The following COL5A2 variants were observed in gnomAD, a reference collection of about 807,000 sequenced individuals.
COL5A2 encodes collagen type V alpha 2 chain, also known as collagen alpha-2(V) chain.
In COL5A2, 23 loss-of-function variants were observed where a neutral mutation model predicts 208.2. The observed-to-expected ratio is 0.11, with a 90% CI of 0.08 to 0.16. The LOEUF (loss-of-function observed/expected upper bound fraction) is 0.16. COL5A2 is among the 10% of genes least tolerant of loss of function. The pLI is 1.00. For missense variants in COL5A2, 1,590 were observed against 1,956.4 expected, an observed-to-expected ratio of 0.81 and a Z score of 3.53; for synonymous variants, 625 against 628.5, an observed-to-expected ratio of 0.99 and a Z score of 0.08.
chr2:189,044,060 G>A (rs1465466369), intron 47 of COL5A2, among the ~76,000 whole-genome samples: 1 of 152,082 alleles, frequency 6.6e-6, no homozygotes, highest in Non-Finnish European at 1.5e-5. Context: ...TCCAGGGAAC[G>A]AGTGGTTCAC....
chr2:189,342,104 C>A, the COL5A2 span, among the ~76,000 whole-genome samples: 4 of 150,646 alleles, frequency 2.7e-5, no homozygotes, highest in African/African-American at 7.3e-5. Context: ...TAAGTCAAGT[C>A]TTTTAATTTT....
chr2:189,311,856 C>T, the COL5A2 span: 112 of 1,297,140 alleles, frequency 8.6e-5, no homozygotes, highest in African/African-American at 1.5e-3. Flanking sequence ...CCAGAGCTGG[C>T]AATCTGGGCT....
At chr2:189,036,553 C>A (rs1420712438) in intron 52 of COL5A2, 63 bp downstream of exon 52, 23 of 1,384,904 alleles carry the variant, frequency 1.7e-5, no homozygotes, top group South Asian at 6.3e-5. Flanking sequence ...CTAAATAAAT[C>A]AAAAATATGT....
chr2:189,261,237 AGCTGTT>A, the COL5A2 span, among the ~76,000 whole-genome samples: 1 of 152,188 alleles, frequency 6.6e-6, no homozygotes, highest in African/African-American at 2.4e-5. Context: ...GAAACCATCA[AGCTGTT>A]GCCATCAAGT....
At chr2:189,297,389 C>G in the COL5A2 span, among the ~76,000 whole-genome samples, 5,110 of 152,030 alleles carry the variant, frequency 0.034, 125 homozygotes, top group Middle Eastern at 0.054. Flanking sequence ...TATGTTTTGT[C>G]TCTTTGAATG....
At chr2:189,302,175 T>G in the COL5A2 span, among the ~76,000 whole-genome samples, 1 of 152,178 alleles carries the variant, frequency 6.6e-6, no homozygotes, top group Non-Finnish European at 1.5e-5. Context: ...CAAATTTGCC[T>G]GTTCAAAGTA....
the COL5A2 span, among the ~76,000 whole-genome samples, chr2:189,327,607 TGATGATGAATCAAATAAAGAGTTGAAA>T: frequency 6.6e-6 from 1 of 152,166 alleles, no homozygotes; most frequent in Admixed American, 6.5e-5. Context: ...TAATCAAATT[TGATGATGAATCAAATAAAGAGTTGAAA>T]GATAACTTGA....
At chr2:189,357,228 G>A in the COL5A2 span, among the ~76,000 whole-genome samples, 1 of 152,146 alleles carries the variant, frequency 6.6e-6, no homozygotes, top group African/African-American at 2.4e-5. Flanking sequence ...CCCACTTGAG[G>A]AGCCACTCTG....
intron 13 of COL5A2, 75 bp from the exon 14 acceptor site, chr2:189,080,106 G>A: frequency 8.7e-7 from 1 of 1,146,164 alleles, no homozygotes; most frequent in East Asian, 2.4e-5. Flanking sequence ...CCAAAAATAA[G>A]CTTGCAGAAA....
the COL5A2 span, among the ~76,000 whole-genome samples, chr2:189,428,125 T>C: frequency 6.6e-6 from 1 of 152,176 alleles, no homozygotes; most frequent in African/African-American, 2.4e-5. Flanking sequence ...TTTTGAAATG[T>C]GAGAGGGGCA....
intron 31 of COL5A2, among the ~76,000 whole-genome samples, chr2:189,059,917 A>G (rs1291404441): frequency 1.3e-5 from 2 of 151,968 alleles, no homozygotes; most frequent in South Asian, 2.1e-4. Context: ...CATTACTCTA[A>G]TGATGAAGAA....
chr2:189,058,581 C>A, intron 32 of COL5A2, 54 bp from the exon 33 acceptor site: 2 of 1,476,894 alleles, frequency 1.4e-6, no homozygotes, highest in South Asian at 2.3e-5. Flanking sequence ...AAAAATAGGT[C>A]AAAATGTTTC....
Position 189,066,598 on chromosome 2 carries a change from A to G in COL5A2, c.1456-101T>C, listed in dbSNP as rs1686155947. 8.1e-6 allele frequency: 11 copies of G among 1,365,538 alleles called. No individual in the cohort carries two copies. In the East Asian group the frequency reaches 2.3e-4, roughly 28 times the overall value. The allele number at this position is 1,365,538 out of a possible 1,614,324, so 84.6% of individuals were successfully genotyped here. A position where few individuals can be genotyped will look rare whatever the true frequency, so the allele number is the denominator to read the frequency against. On this transcript the variant is annotated intron_variant, in intron 22 of 53. Coordinates refer to ENST00000374866, the MANE Select transcript of COL5A2 (RefSeq NM_000393.5). Reference sequence around the variant, plus strand: ...AAGTCAGTCACAAATTTTAAAGTATATGGAACAATGAGATATTTTCATCTC... The same window carrying G: ...AAGTCAGTCACAAATTTTAAAGTATGTGGAACAATGAGATATTTTCATCTC...
At chr2:189,050,212 A>AT (rs1168638979) in intron 43 of COL5A2, among the ~76,000 whole-genome samples, 2 of 152,128 alleles carry the variant, frequency 1.3e-5, no homozygotes, top group African/African-American at 4.8e-5. Context: ...AAAATATGGT[A>AT]TTTTTGTTAA....
chr2:189,240,948 TG>T, the COL5A2 span, among the ~76,000 whole-genome samples: 1 of 152,200 alleles, frequency 6.6e-6, no homozygotes, highest in African/African-American at 2.4e-5. Context: ...ATTTTTTCTT[TG>T]CTACTCATTG....
intron 1 of COL5A2, among the ~76,000 whole-genome samples, chr2:189,177,813 G>A (rs933836560): frequency 6.6e-6 from 1 of 152,090 alleles, no homozygotes; most frequent in African/African-American, 2.4e-5. Context: ...ATTTGGGAAT[G>A]TCTTTTAAAA....
the COL5A2 span, among the ~76,000 whole-genome samples, chr2:189,356,586 G>T: frequency 1.3e-5 from 2 of 152,128 alleles, no homozygotes; most frequent in East Asian, 3.9e-4. Context: ...GCTCCATCAG[G>T]TCATGTATGC....
At chr2:189,045,547 T>C (rs998800122) in intron 46 of COL5A2, among the ~76,000 whole-genome samples, 1 of 152,216 alleles carries the variant, frequency 6.6e-6, no homozygotes, top group Non-Finnish European at 1.5e-5. Context: ...TGCATACTTA[T>C]TACATTTTCA....
At chr2:189,113,569 A>C (rs1392498803) in intron 1 of COL5A2, among the ~76,000 whole-genome samples, 1 of 149,296 alleles carries the variant, frequency 6.7e-6, no homozygotes, top group Non-Finnish European at 1.5e-5. Context: ...AACATTGTGG[A>C]GTGCTATATT....
Sources: allele counts gnomAD v4.1 joint callset (sites outside exome capture counted in the v4.1 genomes callset), GRCh38; gene constraint gnomAD v4.1.1; transcripts MANE v1.5; gene names NCBI Gene and HGNC (gene_info 2026-07-23, HGNC 2026-07-21).